RNF38: variants seen among roughly 807,000 people sequenced by gnomAD.
The protein encoded by RNF38 is E3 ubiquitin-protein ligase RNF38.
In RNF38, 15 loss-of-function variants were observed where a neutral mutation model predicts 67.2. The observed-to-expected ratio is 0.22, with a 90% confidence interval of 0.15 to 0.34. RNF38 has a LOEUF of 0.34. RNF38 is among the 10% of genes least tolerant of loss of function. The probability of loss-of-function intolerance (pLI) is 1.00; values close to 1 mark genes in which losing one functional copy is unlikely to be tolerated. For missense variants in RNF38, 524 were observed against 639.9 expected (o/e 0.82, Z 1.95); for synonymous variants, 220 against 218.8 (o/e 1.01, Z -0.05).
At chr9:36,390,032 G>A (rs112605364) in intron 2 of RNF38, among the ~76,000 whole-genome samples, 4 of 152,088 alleles carry the variant, frequency 2.6e-5, no homozygotes, top group African/African-American at 9.7e-5. Flanking sequence ...TTTACCCACA[G>A]GTAAAAGAAG....
intron 11 of RNF38, among the ~76,000 whole-genome samples, chr9:36,340,357 T>C (rs1832749619): frequency 6.6e-6 from 1 of 151,658 alleles, no homozygotes; most frequent in Non-Finnish European, 1.5e-5. Flanking sequence ...AGTTAACAAC[T>C]GACATTAAAG....
chr9:36,397,974 A>AAC (rs1239389067), intron 1 of RNF38, among the ~76,000 whole-genome samples: 1 of 152,132 alleles, frequency 6.6e-6, no homozygotes, highest in East Asian at 1.9e-4. Context: ...CCTCTCTCCA[A>AAC]ACACACACAC....
intron 1 of RNF38, among the ~76,000 whole-genome samples, chr9:36,398,417 T>C (rs1441506015): frequency 2.6e-5 from 4 of 151,904 alleles, no homozygotes. Context: ...AAACTAAAAT[T>C]AAAAAAAAAT....
Position 36,421,916 on chromosome 9 carries a change from TA to T in RNF38, n.312+2696del, listed in dbSNP as rs202071399. Among the ~76,000 whole-genome samples, 1,202 of 152,074 alleles carry T rather than the reference TA, an allele frequency of 7.9e-3. 18 individuals are homozygous for T. The highest frequency in any genetic ancestry group is 0.064 in the South Asian group (308 of 4,820). On this transcript the variant is annotated intron_variant and non_coding_transcript_variant, in intron 2 of 3. Transcript: ENST00000488058. Reference sequence around the variant, plus strand: ...TATCCACCCACTCTCCTCCCCAGAATAACACCTGATGATCCTGTTGAAAGCT... The same window carrying T: ...TATCCACCCACTCTCCTCCCCAGAATACACCTGATGATCCTGTTGAAAGCT...
chr9:36,355,954 C>A (rs891573799), intron 6 of RNF38, among the ~76,000 whole-genome samples: 3 of 152,138 alleles, frequency 2.0e-5, no homozygotes, highest in Non-Finnish European at 4.4e-5. Context: ...TCAAGCGATT[C>A]TCATGTCTCA....
At chr9:36,437,427 T>C (rs755185107) in intron 1 of RNF38, among the ~76,000 whole-genome samples, 3 of 152,170 alleles carry the variant, frequency 2.0e-5, no homozygotes, top group Admixed American at 6.5e-5. Context: ...ACATCATTGG[T>C]TGTAAAATGT....
chr9:36,443,417 T>C (rs889463376), intron 1 of RNF38, among the ~76,000 whole-genome samples: 1 of 152,148 alleles, frequency 6.6e-6, no homozygotes, highest in East Asian at 1.9e-4. Context: ...TGGCTGAAAG[T>C]TGCAAGAGTG....
At position 36,475,325 on chromosome 9, in the gene RNF38, AAATT is replaced by A. The variant is rs373610616; in HGVS notation, n.241+11979_241+11982del. 1.1e-4 allele frequency among the ~76,000 whole-genome samples: 17 copies of A among 152,212 alleles called. No homozygotes were observed. In the South Asian group the frequency reaches 3.3e-3, roughly 30 times the overall value. On this transcript the variant is annotated intron_variant and non_coding_transcript_variant, in intron 1 of 3. Coordinates refer to the RNF38 transcript ENST00000488058. Reference sequence around the variant, plus strand: ...AGTAAGCATTCAACAAATGTTTACCAAATTATTATTAATATTAGTAATTATTAAT... The same window carrying A: ...AGTAAGCATTCAACAAATGTTTACCAATTATTAATATTAGTAATTATTAAT...
chr9:36,442,682 G>A (rs1272930459), intron 1 of RNF38, among the ~76,000 whole-genome samples: 1 of 152,180 alleles, frequency 6.6e-6, no homozygotes. Context: ...GGGAGGCTGA[G>A]GAAGGAGAAT....
At chr9:36,470,406 A>G (rs1306664083) in intron 1 of RNF38, among the ~76,000 whole-genome samples, 4 of 152,124 alleles carry the variant, frequency 2.6e-5, no homozygotes, top group Non-Finnish European at 5.9e-5. Context: ...CCACTGAAAG[A>G]GCAGTGGTTT....
chr9:36,384,799 A>C (rs1205060581), intron 2 of RNF38, among the ~76,000 whole-genome samples: 1 of 152,230 alleles, frequency 6.6e-6, no homozygotes, highest in Admixed American at 6.5e-5. Context: ...AAATTCAAGC[A>C]ATTTTCTTAT....
chr9:36,423,071 T>C (rs1383044093), intron 2 of RNF38, among the ~76,000 whole-genome samples: 2 of 152,198 alleles, frequency 1.3e-5, no homozygotes, highest in African/African-American at 4.8e-5. Flanking sequence ...GTAACATTAG[T>C]AACCTAAAAT....
chr9:36,383,207 GT>G (rs568169821), intron 2 of RNF38, among the ~76,000 whole-genome samples: 1 of 152,104 alleles, frequency 6.6e-6, no homozygotes, highest in African/African-American at 2.4e-5. Flanking sequence ...GTAAAATGTG[GT>G]TTTTTGGTTG....
At chr9:36,371,064 A>C (rs2133795580) in intron 3 of RNF38, among the ~76,000 whole-genome samples, 1 of 152,336 alleles carries the variant, frequency 6.6e-6, no homozygotes, top group African/African-American at 2.4e-5. Context: ...TCAGCACAAA[A>C]GCAACTTGAA....
intron 1 of RNF38, among the ~76,000 whole-genome samples, chr9:36,473,127 C>T (rs1180317498): frequency 2.6e-5 from 4 of 151,794 alleles, no homozygotes; most frequent in Admixed American, 6.6e-5. Flanking sequence ...CGCGAAACTC[C>T]ATCTCCAAAA....
chr9:36,391,826 G>A (rs1466920200), intron 1 of RNF38, among the ~76,000 whole-genome samples: 1 of 152,040 alleles, frequency 6.6e-6, no homozygotes, highest in African/African-American at 2.4e-5. Context: ...TGTTAGCCAG[G>A]ATGGTCTCGA....
At chr9:36,441,051 T>C (rs991098553) in intron 1 of RNF38, among the ~76,000 whole-genome samples, 3 of 151,938 alleles carry the variant, frequency 2.0e-5, no homozygotes, top group Non-Finnish European at 4.4e-5. Context: ...TTAACCCCAA[T>C]AGTGACTATG....
upstream of RNF38, chr9:36,400,567 C>T (rs1837939478): frequency 2.0e-6 from 2 of 987,442 alleles, no homozygotes; most frequent in South Asian, 9.3e-5. Context: ...CGAGGGGAGG[C>T]TCCGCCCTGC....
intron 4 of RNF38, among the ~76,000 whole-genome samples, chr9:36,361,608 A>G (rs534416039): frequency 1.3e-5 from 2 of 152,220 alleles, no homozygotes; most frequent in Non-Finnish European, 2.9e-5. Flanking sequence ...AAAGGAAAAT[A>G]TAAGTGAAAT....
Sources: allele counts gnomAD v4.1 joint callset (sites outside exome capture counted in the v4.1 genomes callset), GRCh38; gene constraint gnomAD v4.1.1; transcripts MANE v1.5; gene names NCBI Gene and HGNC (gene_info 2026-07-23, HGNC 2026-07-21).